The following SLC35D4 variants were observed in gnomAD, a reference collection of about 807,000 sequenced individuals.
SLC35D4 encodes solute carrier family 35 member D4, also known as UDP-N-acetylglucosamine transporter SLC35D4.
chr18:23,256,586 G>C, the SLC35D4 span, among the ~76,000 whole-genome samples: 22 of 152,042 alleles, frequency 1.4e-4, no homozygotes, highest in African/African-American at 5.3e-4. Flanking sequence ...GTTCAAGTGA[G>C]TCTCCTGCTT....
the SLC35D4 span, among the ~76,000 whole-genome samples, chr18:23,278,672 G>C: frequency 3.0e-4 from 46 of 152,202 alleles, 2 homozygotes; most frequent in South Asian, 3.9e-3. Flanking sequence ...TGTCTAGCAT[G>C]ATCTAAGTAG....
At chr18:23,300,080 G>A in the SLC35D4 span, among the ~76,000 whole-genome samples, 1 of 152,120 alleles carries the variant, frequency 6.6e-6, no homozygotes, top group African/African-American at 2.4e-5. Context: ...TGGGAACGAG[G>A]CCGCTTTGTG....
chr18:23,349,242 C>A, the SLC35D4 span, among the ~76,000 whole-genome samples: 2 of 152,238 alleles, frequency 1.3e-5, no homozygotes, highest in South Asian at 4.1e-4. Context: ...CTAACCCTCT[C>A]TTCTCTTCTG....
At chr18:23,431,771 G>A in the SLC35D4 span, among the ~76,000 whole-genome samples, 1 of 152,058 alleles carries the variant, frequency 6.6e-6, no homozygotes, top group African/African-American at 2.4e-5. Context: ...CACTTTATGA[G>A]TGAAGGAATT....
chr18:23,404,992 C>CAAAA, the SLC35D4 span, among the ~76,000 whole-genome samples: 12 of 44,480 alleles, frequency 2.7e-4, no homozygotes, highest in African/African-American at 4.3e-4. Flanking sequence ...GACTCCGTCT[C>CAAAA]AAAAAAAAAA....
the SLC35D4 span, among the ~76,000 whole-genome samples, chr18:23,350,610 G>A: frequency 6.6e-6 from 1 of 152,060 alleles, no homozygotes; most frequent in South Asian, 2.1e-4. Flanking sequence ...TCATCTCTCA[G>A]AACTACCTAT....
chr18:23,274,307 C>T, the SLC35D4 span, among the ~76,000 whole-genome samples: 1 of 152,204 alleles, frequency 6.6e-6, no homozygotes, highest in African/African-American at 2.4e-5. Flanking sequence ...GAACCACGTG[C>T]CCAGGCTGCT....
At chr18:23,422,182 A>C in the SLC35D4 span, among the ~76,000 whole-genome samples, 1 of 152,136 alleles carries the variant, frequency 6.6e-6, no homozygotes. Context: ...GGTTTGTTAC[A>C]TGGATATAGT....
the SLC35D4 span, among the ~76,000 whole-genome samples, chr18:23,321,264 A>G: frequency 1.3e-5 from 2 of 151,918 alleles, no homozygotes; most frequent in East Asian, 3.8e-4. Flanking sequence ...CGATTTATTT[A>G]TTTTTCCCCT....
the SLC35D4 span, among the ~76,000 whole-genome samples, chr18:23,369,049 A>G: frequency 4.6e-5 from 7 of 152,374 alleles, no homozygotes; most frequent in East Asian, 1.3e-3. Flanking sequence ...AAATAAAAAT[A>G]CAGGGCAATC....
At chr18:23,275,145 C>CGT in the SLC35D4 span, among the ~76,000 whole-genome samples, 36 of 151,104 alleles carry the variant, frequency 2.4e-4, no homozygotes, top group East Asian at 3.7e-3. Flanking sequence ...AGTGCTTGTG[C>CGT]GTGTGTGTGT....
the SLC35D4 span, chr18:23,258,763 A>C: frequency 1.3e-5 from 2 of 152,156 alleles, no homozygotes; most frequent in African/African-American, 4.8e-5. Flanking sequence ...GGAGCTTCAC[A>C]CACCAGCCCA....
chr18:23,284,735 G>A, the SLC35D4 span, among the ~76,000 whole-genome samples: 1 of 151,864 alleles, frequency 6.6e-6, no homozygotes, highest in African/African-American at 2.4e-5. Context: ...AACCACACTG[G>A]CAAATGTTAT....
At chr18:23,435,938 C>T in the SLC35D4 span, among the ~76,000 whole-genome samples, 1 of 152,050 alleles carries the variant, frequency 6.6e-6, no homozygotes, top group South Asian at 2.1e-4. Flanking sequence ...TCAAGCGATC[C>T]GCTCACCTCA....
At chr18:23,414,752 G>C in the SLC35D4 span, among the ~76,000 whole-genome samples, 1 of 151,890 alleles carries the variant, frequency 6.6e-6, no homozygotes, top group Non-Finnish European at 1.5e-5. Flanking sequence ...CAGATGGGAG[G>C]ATCACCTGAG....
At chr18:23,353,802 C>T in the SLC35D4 span, among the ~76,000 whole-genome samples, 3 of 152,210 alleles carry the variant, frequency 2.0e-5, no homozygotes, top group African/African-American at 7.2e-5. Flanking sequence ...TGCTTACTGA[C>T]CCTCGTAACC....
At chr18:23,322,933 T>C in the SLC35D4 span, among the ~76,000 whole-genome samples, 18 of 152,212 alleles carry the variant, frequency 1.2e-4, no homozygotes, top group African/African-American at 4.3e-4. Context: ...TTTAACTTAG[T>C]AAATGTACTC....
the SLC35D4 span, among the ~76,000 whole-genome samples, chr18:23,371,935 GTTT>G: frequency 1.4e-4 from 5 of 35,480 alleles, no homozygotes; most frequent in Non-Finnish European, 2.0e-4. Flanking sequence ...TGTTTTTTTT[GTTT>G]TTTTTTTTTT....
At chr18:23,370,206 A>C in the SLC35D4 span, 2 of 1,599,246 alleles carry the variant, frequency 1.3e-6, no homozygotes, top group Non-Finnish European at 1.7e-6. Flanking sequence ...AAAAAAAAAA[A>C]AGAGTTTACC....
Sources: allele counts gnomAD v4.1 joint callset (sites outside exome capture counted in the v4.1 genomes callset), GRCh38; gene constraint gnomAD v4.1.1; transcripts MANE v1.5; gene names NCBI Gene and HGNC (gene_info 2026-07-23, HGNC 2026-07-21).